Variants in CYP27B1 observed in about 807,000 individuals in gnomAD.
CYP27B1 encodes the protein cytochrome P450 family 27 subfamily B member 1.
A neutral mutation model predicts 54.8 loss-of-function variants in CYP27B1; 46 were observed. The observed-to-expected ratio is 0.84, with a 90% confidence interval of 0.66 to 1.07. CYP27B1 has a LOEUF of 1.07. Among genes scored for constraint, CYP27B1 ranks in the 50% least tolerant of loss-of-function variants. The pLI is 0.00. For synonymous variants in CYP27B1, 292 were observed against 297.3 expected (o/e 0.98, Z 0.18); for missense variants, 674 against 692.2 (o/e 0.97, Z 0.30).
rs1955355929 is a variant in CYP27B1, at chr12:57,765,886, G to A, written c.386+121C>T. On this transcript the variant is annotated intron_variant, in intron 2 of 8. Coordinates refer to ENST00000228606, the MANE Select transcript of CYP27B1 (RefSeq NM_000785.4). This position sits in a 1 kb window ranked among gnomAD's most constrained non-coding sequence, Gnocchi z 5.8. Reference sequence around the variant, plus strand: ...CAGACTGGGATGGGAACCCCAAGATGCCCAATGGTAGAGTGGGACAGCCGA... The same window carrying A: ...CAGACTGGGATGGGAACCCCAAGATACCCAATGGTAGAGTGGGACAGCCGA... 4 of 1,430,600 alleles carry A rather than the reference G, an allele frequency of 2.8e-6. No individual in the cohort carries two copies. Among genetic ancestry groups the A allele is most frequent in the African/African-American group, 1.4e-5 (1 of 69,732 alleles). The allele number at this position is 1,430,600 out of a possible 1,614,324, so 88.6% of individuals were successfully genotyped here.
At chr12:57,763,300 A>C in intron 8 of CYP27B1, 45 bp from the exon 9 acceptor site, 1 of 1,389,610 alleles carries the variant, frequency 7.2e-7, no homozygotes, top group Non-Finnish European at 1.0e-6. Context: ...GATATCTATA[A>C]TGGGGGGATT....
Position 57,763,698 on chromosome 12 carries a change from T to C in CYP27B1, c.1326A>G (p.Pro442=), listed in dbSNP as rs1029340989. The stretch of plus-strand genomic sequence containing the variant: ...CAAAGCCAAAGGGAAGAGATGCAAA[T>C]GGGTGGGGGGTGGGACCCTCCCCCA... ...RWLGEGPTPH[P]FASLPFGFGK... is the part of the protein sequence containing the mutation. The change falls in exon 8 of 9, where the codon CCA becomes CCG. Residue 442 remains proline, a synonymous_variant. Transcript: ENST00000228606. 9.7e-6 allele frequency: 15 copies of C among 1,550,250 alleles called. No individual in the cohort carries two copies. Among genetic ancestry groups the C allele is most frequent in the Non-Finnish European group, 1.3e-5 (15 of 1,125,484 alleles).
In CYP27B1 at chr12:57,765,250, C is replaced by A; in HGVS notation, c.590-39G>T. On this transcript the variant is annotated intron_variant, in intron 3 of 8. Transcript: ENST00000228606. The surrounding 1 kb of genome is among the most constrained non-coding windows in gnomAD (Gnocchi z 5.8). ...GGCGCCGTCAGGGTTCCGGGAGGCT[C>A]TGGTAGGGCGCCCCCGACGCCTGCC... 1 of 1,611,660 alleles carries A rather than the reference C, an allele frequency of 6.2e-7. No homozygotes were observed. Among genetic ancestry groups the A allele is most frequent in the Non-Finnish European group, 8.5e-7 (1 of 1,179,158 alleles).
In CYP27B1 at chr12:57,766,215, G is replaced by A; in HGVS notation, c.196-18C>T. The A allele has an allele frequency of 6.6e-7, 1 of 1,525,440 alleles. No individual in the cohort carries two copies. Among genetic ancestry groups the A allele is most frequent in the Non-Finnish European group, 8.8e-7 (1 of 1,134,684 alleles). The allele number at this position is 1,525,440 out of a possible 1,614,324, so 94.5% of individuals were successfully genotyped here. On this transcript the variant is annotated intron_variant, in intron 1 of 8. Coordinates refer to ENST00000228606, the MANE Select transcript of CYP27B1 (RefSeq NM_000785.4). Reference sequence around the variant, plus strand: ...CCCTGCACCTGGGGGAGCGGACACAGCGGACACTTGGATACCTGGGCGGGG... The same window carrying A: ...CCCTGCACCTGGGGGAGCGGACACAACGGACACTTGGATACCTGGGCGGGG...
Position 57,763,692 on chromosome 12 carries a change from T to A in CYP27B1, c.1332A>T (p.Ala444=), listed in dbSNP as rs756054548. Residue 444 remains alanine (A), a synonymous_variant, in exon 8 of 9, where the codon GCA becomes GCT. Transcript: ENST00000228606. ...LGEGPTPHPF[A]SLPFGFGKRS... ...GCTTGCCAAAGCCAAAGGGAAGAGA[T>A]GCAAATGGGTGGGGGGTGGGACCCT... 1 of 1,580,650 alleles carries A rather than the reference T, an allele frequency of 6.3e-7. No homozygotes were observed. The highest frequency in any genetic ancestry group is 1.7e-5 in the Admixed American group (1 of 59,722).
chr12:57,766,074 G>T lies in CYP27B1; in HGVS notation c.319C>A (p.Arg107Ser), dbSNP rs1955358055. Residue 107 changes from arginine to serine, a missense_variant, in exon 2 of 9, where the codon CGC (arginine) becomes AGC (serine). Transcript: ENST00000228606. ...LLRQEGPRPE[R>S]CSFSPWTEHR... ...TCCGTCCAGGGCGAGAAGCTGCAGC[G>T]CTCGGGCCGGGGTCCCTCCTGTCGC... The T allele has an allele frequency of 1.3e-6, 2 of 1,553,394 alleles. No individual in the cohort carries two copies. Among genetic ancestry groups the T allele is most frequent in the Non-Finnish European group, 8.7e-7 (1 of 1,153,652 alleles).
Position 57,763,754 on chromosome 12 carries a change from C to G in CYP27B1, c.1270G>C (p.Glu424Gln), listed in dbSNP as rs1955337114. The G allele has an allele frequency of 6.2e-7, 1 of 1,614,040 alleles. No individual in the cohort carries two copies. Among genetic ancestry groups the G allele is most frequent in the South Asian group, 1.1e-5 (1 of 91,088 alleles). Residue 424 changes from glutamate (E) to glutamine (Q), a missense_variant, in exon 8 of 9, where the codon GAG becomes CAG. Glu to Gln is a conservative substitution (Grantham distance 29, BLOSUM62 2). Transcript: ENST00000228606. The stretch of plus-strand genomic sequence containing the variant: ...CGAGCTGGACGAAAAGAATTTGGCT[C>G]TGGGAACTGGGCAGGGTCCCTTGAA... ...ATSRDPAQFPEPNSFRPARWL... is the reference protein window; with the variant it reads ...ATSRDPAQFPQPNSFRPARWL...
chr12:57,766,644 C>G, intron 1 of CYP27B1: 1 of 636,452 alleles, frequency 1.6e-6, no homozygotes, highest in Admixed American at 2.9e-5. Context: ...AAGGCGCTTT[C>G]GCAGCGCCCT....
intron 8 of CYP27B1, 84 bp from the exon 9 acceptor site, chr12:57,763,339 G>T: frequency 9.4e-7 from 1 of 1,059,940 alleles, no homozygotes; most frequent in Non-Finnish European, 1.4e-6. Flanking sequence ...TAAAGGGCAT[G>T]CATTATTAGT....
Position 57,765,542 on chromosome 12 carries a change from G to C in CYP27B1, c.387-43C>G. 6.4e-7 allele frequency: 1 copy of C among 1,564,256 alleles called. No individual in the cohort carries two copies. Among genetic ancestry groups the C allele is most frequent in the Non-Finnish European group, 8.7e-7 (1 of 1,149,650 alleles). On this transcript the variant is annotated intron_variant, in intron 2 of 8. Transcript: ENST00000228606. This position sits in a 1 kb window ranked among gnomAD's most constrained non-coding sequence, Gnocchi z 5.8. ...GAGTGCGCATCGGGAAGGTGGGGAC[G>C]GCTCGACGGGACTGGCTGCAGTGAA...
rs773502563 is a variant in CYP27B1, at chr12:57,764,745, G to C, written c.963+9C>G. Reference sequence around the variant, plus strand: ...GGAACCGGCTCACAGCACGGAGGGAGAACCTCACCGTGTCCACTCCCGCCA... The same window carrying C: ...GGAACCGGCTCACAGCACGGAGGGACAACCTCACCGTGTCCACTCCCGCCA... On this transcript the variant is annotated intron_variant, in intron 5 of 8. Coordinates refer to ENST00000228606, the MANE Select transcript of CYP27B1 (RefSeq NM_000785.4). 2.2e-5 allele frequency: 35 copies of C among 1,613,950 alleles called. No individual in the cohort carries two copies. The highest frequency in any genetic ancestry group is 2.9e-5 in the Non-Finnish European group (34 of 1,179,980).
At position 57,763,074 on chromosome 12, in the gene CYP27B1, T is replaced by A. The variant is rs1449377856; in HGVS notation, c.*68A>T. The A allele has an allele frequency of 1.8e-6, 2 of 1,128,778 alleles. No individual in the cohort carries two copies. Among genetic ancestry groups the A allele is most frequent in the East Asian group, 4.8e-5 (2 of 41,268 alleles). 69.9% of individuals were successfully genotyped at this position (1,128,778 alleles called of 1,614,324 possible). A position where few individuals can be genotyped will look rare whatever the true frequency, so the allele number is the denominator to read the frequency against. On this transcript the variant is annotated 3_prime_UTR_variant, in exon 9 of 9. Transcript: ENST00000228606. ...TAGGGGAAGATGTATACCTTGGTCT[T>A]GTGCCTACAAAAAATCTTATCCCTA...
At position 57,764,868 on chromosome 12, in the gene CYP27B1, G is replaced by A. The variant is rs775810183; in HGVS notation, c.849C>T (p.Pro283=). ...GCGCCCCAGACTCCAGGTCCTTCTC[G>A]GGCTGTCCTCCGTTCCTCATGGCTG... is the stretch of plus-strand genomic sequence containing the variant. ...AEAAMRNGGQ[P]EKDLESGAHL... is the part of the protein sequence containing the mutation. Residue 283 remains proline (P), a synonymous_variant, in exon 5 of 9, where the codon CCC becomes CCT. Transcript: ENST00000228606. The A allele has an allele frequency of 1.9e-6, 3 of 1,614,022 alleles. No homozygotes were observed. Among genetic ancestry groups the A allele is most frequent in the Non-Finnish European group, 2.5e-6 (3 of 1,180,038 alleles).
Position 57,765,574 on chromosome 12 carries a change from C to A in CYP27B1, c.387-75G>T. 1 of 1,460,736 alleles carries A rather than the reference C, an allele frequency of 6.8e-7. No homozygotes were observed. Among genetic ancestry groups the A allele is most frequent in the Non-Finnish European group, 9.4e-7 (1 of 1,061,330 alleles). 90.5% of individuals were successfully genotyped at this position (1,460,736 alleles called of 1,614,324 possible). A position where few individuals can be genotyped will look rare whatever the true frequency, so the allele number is the denominator to read the frequency against. The stretch of plus-strand genomic sequence containing the variant: ...CGGGACTGGCTGCAGTGAAGGAGCG[C>A]GTTCGGCTGCGGTGGCCAGGAGAGG... On this transcript the variant is annotated intron_variant, in intron 2 of 8. Transcript: ENST00000228606. This position sits in a 1 kb window ranked among gnomAD's most constrained non-coding sequence, Gnocchi z 5.8.
chr12:57,763,746 AT>A lies in CYP27B1; in HGVS notation c.1277del (p.Asn426IlefsTer48). 1 of 1,614,132 alleles carries A rather than the reference AT, an allele frequency of 6.2e-7. No homozygotes were observed. Among genetic ancestry groups the A allele is most frequent in the Non-Finnish European group, 8.5e-7 (1 of 1,179,992 alleles). On this transcript the variant is annotated frameshift_variant, in exon 8 of 9. Coordinates refer to ENST00000228606, the MANE Select transcript of CYP27B1 (RefSeq NM_000785.4). LOFTEE classifies it high-confidence loss of function. ...CCAGCCAGCGAGCTGGACGAAAAGA[AT>A]TTGGCTCTGGGAACTGGGCAGGGTC... ...SRDPAQFPEP[N>X]SFRPARWLGE...
rs1405969320 is a variant in CYP27B1 at position 57,764,876 on chromosome 12, C to T, written c.841G>A (p.Gly281Arg). 1 of 1,614,198 alleles carries T rather than the reference C, an allele frequency of 6.2e-7. No homozygotes were observed. The highest frequency in any genetic ancestry group is 1.7e-5 in the Admixed American group (1 of 60,036). ...GACTCCAGGTCCTTCTCGGGCTGTC[C>T]TCCGTTCCTCATGGCTGCCTCTGCC... is the stretch of plus-strand genomic sequence containing the variant. ...REAEAAMRNG[G>R]QPEKDLESGA... The change falls in exon 5 of 9, where the codon GGA (glycine) becomes AGA (arginine). Residue 281 changes from glycine (G) to arginine (R), a missense_variant. Gly to Arg is a moderately radical substitution (Grantham distance 125). Transcript: ENST00000228606.
Position 57,762,785 on chromosome 12 carries a change from T to G in CYP27B1, c.*357A>C. 1 of 348,574 alleles carries G rather than the reference T, an allele frequency of 2.9e-6. No homozygotes were observed. Among genetic ancestry groups the G allele is most frequent in the South Asian group, 2.3e-5 (1 of 43,198 alleles). 21.6% of individuals were successfully genotyped at this position (348,574 alleles called of 1,614,324 possible). A position where few individuals can be genotyped will look rare whatever the true frequency, so the allele number is the denominator to read the frequency against. ...GTTACTGAGCTTATGCTTTGATAAA[T>G]GCTTAGCCAGCAGCATCAATGAACA... On this transcript the variant is annotated 3_prime_UTR_variant, in exon 9 of 9. Transcript: ENST00000228606.
At position 57,765,950 on chromosome 12, in the gene CYP27B1, G is replaced by C. The variant is rs932900923; in HGVS notation, c.386+57C>G. The C allele has an allele frequency of 1.3e-6, 2 of 1,482,086 alleles. No homozygotes were observed. Among genetic ancestry groups the C allele is most frequent in the Non-Finnish European group, 1.8e-6 (2 of 1,117,988 alleles). 91.8% of individuals were successfully genotyped at this position (1,482,086 alleles called of 1,614,324 possible). On this transcript the variant is annotated intron_variant, in intron 2 of 8. Coordinates refer to ENST00000228606, the MANE Select transcript of CYP27B1 (RefSeq NM_000785.4). This position sits in a 1 kb window ranked among gnomAD's most constrained non-coding sequence, Gnocchi z 5.8. ...CCCCAGATTGATAGTTTCGGGACCC[G>C]CAGCAGGAGAGGGCCGCTGCAGGGC... is the stretch of plus-strand genomic sequence containing the variant.
At chr12:57,764,678 G>A (rs967927387) in intron 5 of CYP27B1, 76 bp downstream of exon 5, 2 of 1,603,612 alleles carry the variant, frequency 1.2e-6, no homozygotes, top group East Asian at 2.2e-5. Flanking sequence ...TGGATCCCCT[G>A]CAACAGAAAA....
Sources: gnomAD v4.1 joint callset for allele counts on GRCh38, gnomAD v4.1.1 for gene constraint, Gnocchi (gnomAD v3.1) non-coding constraint, MANE v1.5 for transcripts, NCBI Gene and HGNC (gene_info 2026-07-23, HGNC 2026-07-21) for gene names.